VCL: variants seen among roughly 807,000 people sequenced by gnomAD.
VCL encodes the protein epididymis luminal protein 114.
VCL carries 47 observed loss-of-function variants against 125.7 expected under a neutral mutation model. The ratio of observed to expected loss-of-function variants is 0.37; its 90% CI spans 0.30 to 0.48. The LOEUF is 0.48. VCL is among the 20% of genes least tolerant of loss of function. The pLI is 0.99. For missense variants in VCL, 1,069 were observed against 1,455.5 expected (o/e 0.73, Z 4.32); for synonymous variants, 458 against 514.6 (o/e 0.89, Z 1.49).
intron 2 of VCL, among the ~76,000 whole-genome samples, chr10:74,056,844 C>G (rs984742442): frequency 6.6e-6 from 1 of 152,182 alleles, no homozygotes; most frequent in Non-Finnish European, 1.5e-5. Context: ...AAAGTACAAT[C>G]TGTGCCAAAT....
chr10:74,052,410 T>A (rs913723383), intron 2 of VCL, among the ~76,000 whole-genome samples: 2 of 137,878 alleles, frequency 1.5e-5, no homozygotes, highest in African/African-American at 2.7e-5. Flanking sequence ...GGAGTCTCAC[T>A]CTGTAGCACA....
intron 10 of VCL, 83 bp from the exon 11 acceptor site, chr10:74,094,188 A>G (rs1186595243): frequency 1.9e-6 from 3 of 1,552,566 alleles, no homozygotes; most frequent in Admixed American, 1.8e-5. Flanking sequence ...TTGTCATCCT[A>G]TTAGCATTTG....
At chr10:74,078,504 A>G (rs988323937) in intron 6 of VCL, among the ~76,000 whole-genome samples, 2 of 152,224 alleles carry the variant, frequency 1.3e-5, no homozygotes, top group Non-Finnish European at 2.9e-5. Flanking sequence ...AAAGATCTCT[A>G]AGAGCTTGAG....
At chr10:74,069,558 C>A (rs531455079) in intron 2 of VCL, among the ~76,000 whole-genome samples, 1 of 152,110 alleles carries the variant, frequency 6.6e-6, no homozygotes, top group East Asian at 1.9e-4. Context: ...TTCATTTATC[C>A]TCAAAAGAAC....
At chr10:74,107,466 T>C in intron 17 of VCL, 112 bp downstream of exon 17, 1 of 1,550,718 alleles carries the variant, frequency 6.4e-7, no homozygotes, top group Non-Finnish European at 8.8e-7. Context: ...CGTTTAGCTT[T>C]CATTTGAAGC....
chr10:74,036,835 T>C (rs1205977298), intron 1 of VCL, among the ~76,000 whole-genome samples: 1 of 152,140 alleles, frequency 6.6e-6, no homozygotes, highest in Non-Finnish European at 1.5e-5. Flanking sequence ...CCACCAGCTA[T>C]GAAGATTCCT....
intron 2 of VCL, among the ~76,000 whole-genome samples, chr10:74,059,643 G>C (rs1420977256): frequency 6.6e-6 from 1 of 152,118 alleles, no homozygotes; most frequent in East Asian, 1.9e-4. Flanking sequence ...CTGACCTTGT[G>C]ATCTGCCTGC....
chr10:74,107,506 C>A, intron 17 of VCL, 152 bp downstream of exon 17: 1 of 1,343,348 alleles, frequency 7.4e-7, no homozygotes. Flanking sequence ...GATTTTCATT[C>A]CTAAATCCAG....
At chr10:74,058,510 C>T (rs535243287) in intron 2 of VCL, among the ~76,000 whole-genome samples, 1 of 152,070 alleles carries the variant, frequency 6.6e-6, no homozygotes, top group South Asian at 2.1e-4. Flanking sequence ...AAAGGCTATA[C>T]TGTCTAAGAT....
intron 10 of VCL, among the ~76,000 whole-genome samples, chr10:74,090,798 AT>A (rs1839870360): frequency 6.9e-6 from 1 of 144,976 alleles, no homozygotes; most frequent in Non-Finnish European, 1.5e-5. Context: ...TTTTTTTTTT[AT>A]TTTTTATTTT....
chr10:74,037,678 T>G (rs1841007874), intron 1 of VCL, among the ~76,000 whole-genome samples: 1 of 152,230 alleles, frequency 6.6e-6, no homozygotes, highest in Admixed American at 6.5e-5. Context: ...TGACTGAACC[T>G]TCTTTGCCTG....
intron 8 of VCL, among the ~76,000 whole-genome samples, chr10:74,084,356 A>G (rs1454520091): frequency 2.0e-5 from 3 of 151,826 alleles, no homozygotes; most frequent in Non-Finnish European, 4.4e-5. Context: ...CAGTGGTGCA[A>G]TCTCGGCTCA....
chr10:74,021,153 T>G (rs1565635883), intron 1 of VCL, among the ~76,000 whole-genome samples: 1 of 152,230 alleles, frequency 6.6e-6, no homozygotes, highest in African/African-American at 2.4e-5. Flanking sequence ...AGTGCAGATG[T>G]CACTCTCTTC....
intron 7 of VCL, 131 bp from the exon 8 acceptor site, chr10:74,083,235 A>T (rs1028382385): frequency 8.2e-7 from 1 of 1,212,188 alleles, no homozygotes; most frequent in Admixed American, 2.0e-5. Context: ...TAGCTATCAG[A>T]TATGTTGCCT....
In VCL at chr10:74,071,162, CT is replaced by C; in HGVS notation, c.499+84del. 1 of 1,378,980 alleles carries C rather than the reference CT, an allele frequency of 7.3e-7. No homozygotes were observed. Among genetic ancestry groups the C allele is most frequent in the East Asian group, 2.4e-5 (1 of 42,312 alleles). 85.4% of individuals were successfully genotyped at this position (1,378,980 alleles called of 1,614,324 possible). A position where few individuals can be genotyped will look rare whatever the true frequency, so the allele number is the denominator to read the frequency against. ...CAAAGGAAAGGGTACCCTCTTCCTA[CT>C]TTTTGCAGAAGATAGGTGAAGATGC... is the stretch of plus-strand genomic sequence containing the variant. On this transcript the variant is annotated intron_variant, in intron 4 of 21. Transcript: ENST00000211998. This position sits in a 1 kb window ranked among gnomAD's most constrained non-coding sequence, Gnocchi z 4.1.
chr10:74,023,994 A>G (rs918102785), intron 1 of VCL, among the ~76,000 whole-genome samples: 4 of 152,238 alleles, frequency 2.6e-5, no homozygotes, highest in Non-Finnish European at 4.4e-5. Context: ...AAAGGAAAAA[A>G]CATTAAGAAA....
chr10:74,067,378 T>TA (rs571897797), intron 2 of VCL, among the ~76,000 whole-genome samples: 441 of 144,978 alleles, frequency 3.0e-3, no homozygotes, highest in Admixed American at 4.3e-3. Flanking sequence ...GGCTTTTATT[T>TA]AAAAAAAAAA....
chr10:74,004,115 A>G (rs879551217), intron 1 of VCL, among the ~76,000 whole-genome samples: 1 of 151,536 alleles, frequency 6.6e-6, no homozygotes, highest in Non-Finnish European at 1.5e-5. Context: ...AATTTGGTTG[A>G]TATTAGACTT....
chr10:74,045,493 C>T (rs1185136489), intron 2 of VCL, among the ~76,000 whole-genome samples: 1 of 151,822 alleles, frequency 6.6e-6, no homozygotes, highest in Non-Finnish European at 1.5e-5. Context: ...CGTGGTGGCT[C>T]ACACTTGTAA....
Sources: gnomAD v4.1 joint callset for allele counts (sites outside exome capture counted in the v4.1 genomes callset) on GRCh38, gnomAD v4.1.1 for gene constraint, Gnocchi (gnomAD v3.1) non-coding constraint, MANE v1.5 for transcripts, NCBI Gene and HGNC (gene_info 2026-07-23, HGNC 2026-07-21) for gene names.